Variants in GSDMA observed in about 807,000 individuals in gnomAD.
The protein encoded by GSDMA is gasdermin A, also known as gasdermin-A.
GSDMA carries 55 observed loss-of-function variants against 54.3 expected under a neutral mutation model. The observed-to-expected ratio is 1.01, with a 90% CI of 0.82 to 1.27. The LOEUF is 1.27. Ranked by LOEUF, GSDMA falls within the 50% of genes most tolerant of loss-of-function variation. The probability of loss-of-function intolerance (pLI) is 0.00; values close to 1 mark genes in which losing one functional copy is unlikely to be tolerated. For missense variants in GSDMA, 542 were observed against 542.6 expected, an observed-to-expected ratio of 1.00 and a Z score of 0.01; for synonymous variants, 211 against 224.7, an observed-to-expected ratio of 0.94 and a Z score of 0.54.
intron 7 of GSDMA, among the ~76,000 whole-genome samples, 179 bp downstream of exon 7, chr17:39,972,792 A>C (rs1235269904): frequency 2.9e-5 from 2 of 67,804 alleles, no homozygotes; most frequent in African/African-American, 1.2e-4. Context: ...GAAAGGGGGG[A>C]GTCTTTGCCC....
rs180848758 is a variant in GSDMA, at chr17:39,966,928, C to T, written c.392+491C>T. ...CTGACCCCAATACACACTAAGCACG[C>T]CCTCGGGAATGCTGCCCCACAGCAC... On this transcript the variant is annotated intron_variant, in intron 3 of 11. Coordinates refer to ENST00000301659, the MANE Select transcript of GSDMA (RefSeq NM_178171.5). Among the ~76,000 whole-genome samples, 60 of 152,312 alleles carry T rather than the reference C, an allele frequency of 3.9e-4. 1 individual carries two copies. In the East Asian group the frequency reaches 0.011, roughly 29 times the overall value.
At position 39,977,289 on chromosome 17, in the gene GSDMA, TTTC is replaced by T. The variant is rs751552949; in HGVS notation, c.*234_*236del. 0.017 allele frequency: 1,858 copies of T among 107,278 alleles called. 29 individuals are homozygous for T. The highest frequency in any genetic ancestry group is 0.023 in the Non-Finnish European group (1,254 of 54,390). The allele number at this position is 107,278 out of a possible 1,614,324, so 6.6% of individuals were successfully genotyped here. A position where few individuals can be genotyped will look rare whatever the true frequency, so the allele number is the denominator to read the frequency against. ...ATGCTTAAATTTTCTTTACTTTTCT[TTTC>T]TTTTTTTTTTTTTTTTTGAGATGGA... On this transcript the variant is annotated 3_prime_UTR_variant, in exon 12 of 12. Coordinates refer to ENST00000301659, the MANE Select transcript of GSDMA (RefSeq NM_178171.5).
At position 39,976,999 on chromosome 17, in the gene GSDMA, C is replaced by A. The variant is rs774076810; in HGVS notation, c.1279C>A (p.Arg427Ser). 1 of 1,613,954 alleles carries A rather than the reference C, an allele frequency of 6.2e-7. No homozygotes were observed. Among genetic ancestry groups the A allele is most frequent in the Non-Finnish European group, 8.5e-7 (1 of 1,179,874 alleles). Residue 427 changes from arginine (R) to serine (S), a missense_variant, in exon 12 of 12, where the codon CGC becomes AGC. By Grantham distance (110) the Arg-to-Ser change is moderately radical. Coordinates refer to ENST00000301659, the MANE Select transcript of GSDMA (RefSeq NM_178171.5). ...TATGTGGGACCCAGACACCCTCCCT[C>A]GCCTCTGTGCTCTTTATGCAGGCCT... ...QYMWDPDTLPRLCALYAGLSL... is the reference protein window; with the variant it reads ...QYMWDPDTLPSLCALYAGLSL...
intron 1 of GSDMA, chr17:39,965,476 C>G: frequency 3.5e-6 from 2 of 569,440 alleles, no homozygotes; most frequent in South Asian, 2.1e-5. Context: ...GCAACTCTTT[C>G]AACTCTCCAG....
chr17:39,975,332 C>T (rs1598307915), intron 10 of GSDMA, among the ~76,000 whole-genome samples: 1 of 151,908 alleles, frequency 6.6e-6, no homozygotes. Flanking sequence ...GCCTGTAATC[C>T]CAGCTACTCT....
rs1980218054 is a variant in GSDMA at position 39,976,818 on chromosome 17, G to A, written c.1098G>A (p.Val366=). 3 of 1,613,964 alleles carry A rather than the reference G, an allele frequency of 1.9e-6. No homozygotes were observed. The highest frequency in any genetic ancestry group is 1.3e-5 in the African/African-American group (1 of 75,008). ...KKILPVQLKL[V]ESTMEQNFLL... ...CATGCTGTTTTGATTCCCTCCAGGTGGAGAGCACGATGGAACAGAACTTCC... is the reference window on the plus strand; with the variant it reads ...CATGCTGTTTTGATTCCCTCCAGGTAGAGAGCACGATGGAACAGAACTTCC... The change falls in exon 12 of 12, where the codon GTG becomes GTA. Residue 366 remains valine (V), a splice_region_variant and synonymous_variant. Coordinates refer to ENST00000301659, the MANE Select transcript of GSDMA (RefSeq NM_178171.5).
chr17:39,975,019 G>T lies in GSDMA; in HGVS notation c.1021+5G>T, dbSNP rs374719895. The T allele has an allele frequency of 7.1e-6, 11 of 1,553,442 alleles. 1 individual carries two copies. The African/African-American group carries it at 1.4e-4, about 19-fold the overall frequency. On this transcript the variant is annotated splice_donor_5th_base_variant and intron_variant, in intron 10 of 11. Coordinates refer to ENST00000301659, the MANE Select transcript of GSDMA (RefSeq NM_178171.5). ...ATTTCGTTGGAGCCCTAACAGGTAA[G>T]TGGGGAATAAGGTCTTCATTTATAG...
intron 4 of GSDMA, among the ~76,000 whole-genome samples, chr17:39,971,316 G>A (rs185475783): frequency 6.6e-6 from 1 of 152,200 alleles, no homozygotes; most frequent in Non-Finnish European, 1.5e-5. Context: ...ACCTGAACCA[G>A]GTCACTAGAG....
rs118073438 is a variant in GSDMA, at chr17:39,964,746, G to T, written c.-5-937G>T. 5.2e-3 allele frequency among the ~76,000 whole-genome samples: 798 copies of T among 152,246 alleles called. 4 individuals carry two copies. The highest frequency in any genetic ancestry group is 8.8e-3 in the Non-Finnish European group (601 of 68,010). ...TTGGCCACCCAGGCTCTTGTTGCCA[G>T]CAGCATCTCCTTCCCTCCCCTGGTG... is the stretch of plus-strand genomic sequence containing the variant. On this transcript the variant is annotated intron_variant, in intron 1 of 11. Transcript: ENST00000301659.
rs867070030 is a variant in GSDMA, at chr17:39,964,167, G to T, written c.-6+1082G>T. ...CCAGCTGCCTGGAGGACTGAGGGAA[G>T]AGGTTCCAGGAGGTGACCTGAATTG... On this transcript the variant is annotated intron_variant, in intron 1 of 11. Transcript: ENST00000301659. 2.0e-5 allele frequency among the ~76,000 whole-genome samples: 3 copies of T among 152,200 alleles called. No homozygotes were observed. In the South Asian group the frequency reaches 6.2e-4, roughly 31 times the overall value.
At chr17:39,974,835 G>A (rs1980127162) in intron 9 of GSDMA, 65 bp from the exon 10 acceptor site, 1 of 859,250 alleles carries the variant, frequency 1.2e-6, no homozygotes, top group Non-Finnish European at 1.9e-6. Flanking sequence ...GGGTTATTAT[G>A]TGCTGGGCCC....
At chr17:39,973,994 T>C (rs1293326661) in intron 8 of GSDMA, among the ~76,000 whole-genome samples, 164 bp downstream of exon 8, 19 of 152,194 alleles carry the variant, frequency 1.2e-4, no homozygotes, top group Admixed American at 1.2e-3. Flanking sequence ...GTCAAGTGTG[T>C]ACTGATATGG....
At chr17:39,970,090 G>T (rs539054078) in intron 3 of GSDMA, among the ~76,000 whole-genome samples, 49 of 151,068 alleles carry the variant, frequency 3.2e-4, no homozygotes, top group Non-Finnish European at 4.4e-4. Context: ...AGGAAAGAGG[G>T]GGGGAGCATC....
At chr17:39,966,933 G>C (rs1372453282) in intron 3 of GSDMA, among the ~76,000 whole-genome samples, 1 of 152,158 alleles carries the variant, frequency 6.6e-6, no homozygotes, top group Non-Finnish European at 1.5e-5. Flanking sequence ...GCACGCCCTC[G>C]GGAATGCTGC....
chr17:39,964,649 G>A (rs906339640), intron 1 of GSDMA, among the ~76,000 whole-genome samples: 1 of 152,090 alleles, frequency 6.6e-6, no homozygotes, highest in Admixed American at 6.5e-5. Context: ...CCTGTGGCAC[G>A]CATGAGGGAA....
chr17:39,972,115 C>T lies in GSDMA; in HGVS notation c.656-14C>T. 6.8e-7 allele frequency: 1 copy of T among 1,461,904 alleles called. No individual in the cohort carries two copies. The highest frequency in any genetic ancestry group is 9.5e-7 in the Non-Finnish European group (1 of 1,049,980). The allele number at this position is 1,461,904 out of a possible 1,614,324, so 90.6% of individuals were successfully genotyped here. ...CTAAGTGTCCTCCCACCCTCCCTCC[C>T]TTGCCCTTCACAGATATTCCACATA... is the stretch of plus-strand genomic sequence containing the variant. On this transcript the variant is annotated splice_polypyrimidine_tract_variant and intron_variant, in intron 5 of 11. Transcript: ENST00000301659.
chr17:39,965,722 CCAGA>C lies in GSDMA; in HGVS notation c.39_42del (p.Arg13SerfsTer2). ...TTTGAAAATGTCACCCGGGCCCTGG[CCAGA>C]CAGCTAAACCCTCGAGGGGACCTGA... is the stretch of plus-strand genomic sequence containing the variant. On this transcript the variant is annotated frameshift_variant, in exon 2 of 12. Transcript: ENST00000301659. LOFTEE classifies it high-confidence loss of function. The C allele has an allele frequency of 6.2e-7, 1 of 1,610,954 alleles. No individual in the cohort carries two copies. Among genetic ancestry groups the C allele is most frequent in the Non-Finnish European group, 8.5e-7 (1 of 1,178,672 alleles).
Position 39,972,579 on chromosome 17 carries a change from G to A in GSDMA, c.704-8G>A. 2 of 1,612,788 alleles carry A rather than the reference G, an allele frequency of 1.2e-6. No individual in the cohort carries two copies. The highest frequency in any genetic ancestry group is 1.7e-6 in the Non-Finnish European group (2 of 1,179,352). On this transcript the variant is annotated splice_polypyrimidine_tract_variant and splice_region_variant and intron_variant, in intron 6 of 11. Coordinates refer to ENST00000301659, the MANE Select transcript of GSDMA (RefSeq NM_178171.5). ...GTGCTGACAGATGTGCATTTTTTCTGTCTTCAGAAAAGTCAGGAGAGGAGA... is the reference window on the plus strand; with the variant it reads ...GTGCTGACAGATGTGCATTTTTTCTATCTTCAGAAAAGTCAGGAGAGGAGA...
rs1244913546 is a variant in GSDMA at position 39,967,066 on chromosome 17, T to TG, written c.392+630dup. Among the ~76,000 whole-genome samples the TG allele has an allele frequency of 3.3e-5, 5 of 152,274 alleles. No individual in the cohort carries two copies. In the East Asian group the frequency reaches 5.8e-4, roughly 18 times the overall value. ...GGTTGAAAGAAGGAGGTAAGGACTG[T>TG]GAAGGCCAGAAGGAAAGGCTGGGGT... On this transcript the variant is annotated intron_variant, in intron 3 of 11. Coordinates refer to ENST00000301659, the MANE Select transcript of GSDMA (RefSeq NM_178171.5).
Sources: gnomAD v4.1 joint callset for allele counts (sites outside exome capture counted in the v4.1 genomes callset) on GRCh38, gnomAD v4.1.1 for gene constraint, MANE v1.5 for transcripts, NCBI Gene and HGNC (gene_info 2026-07-23, HGNC 2026-07-21) for gene names.